Variants in PTRH2 observed in about 807,000 individuals in gnomAD.
The protein encoded by PTRH2 is peptidyl-tRNA hydrolase 2, mitochondrial.
PTRH2 carries 10 observed loss-of-function variants against 12.3 expected under a neutral mutation model. That is an observed-to-expected ratio of 0.81 (90% CI 0.50 to 1.38). The LOEUF (loss-of-function observed/expected upper bound fraction) is 1.38, where lower values mean the gene tolerates loss of function less well. Ranked by LOEUF, PTRH2 falls within the 40% of genes most tolerant of loss-of-function variation. The pLI is 0.00. For synonymous variants in PTRH2, 73 were observed against 77.4 expected, an observed-to-expected ratio of 0.94 and a Z score of 0.30; for missense variants, 176 against 214.1, an observed-to-expected ratio of 0.82 and a Z score of 1.11.
rs762237547 is a variant in PTRH2, at chr17:59,697,981, TAAAGG to T, written c.1-8_1-4del. On this transcript the variant is annotated splice_region_variant and splice_polypyrimidine_tract_variant and intron_variant, in intron 1 of 1. Coordinates refer to ENST00000393038, the MANE Select transcript of PTRH2 (RefSeq NM_016077.5). ...ATAACCAAGGATTTGGAGGGCATCTTAAAGGAAAGGAAAACAGTTATCACTATCCG... is the reference window on the plus strand; with the variant it reads ...ATAACCAAGGATTTGGAGGGCATCTTAAAGGAAAACAGTTATCACTATCCG... 1.9e-6 allele frequency: 3 copies of T among 1,609,064 alleles called. No individual in the cohort carries two copies. The highest frequency in any genetic ancestry group is 1.7e-6 in the Non-Finnish European group (2 of 1,178,692).
chr17:59,704,397 G>GA lies in PTRH2; in HGVS notation c.-1+2973dup, dbSNP rs200001309. 3.9e-3 allele frequency among the ~76,000 whole-genome samples: 586 copies of GA among 151,530 alleles called. 2 individuals carry two copies. Among genetic ancestry groups the GA allele is most frequent in the Non-Finnish European group, 6.8e-3 (464 of 67,802 alleles). The stretch of plus-strand genomic sequence containing the variant: ...ACATCTCAGAGATATCTAGAAAGAA[G>GA]AAAAAAAAGGATATATCAGCTTAAA... On this transcript the variant is annotated intron_variant, in intron 1 of 1. Transcript: ENST00000393038.
At chr17:59,698,081 GAA>G in intron 1 of PTRH2, 103 bp from the exon 2 acceptor site, 1 of 1,227,866 alleles carries the variant, frequency 8.1e-7, no homozygotes, top group South Asian at 1.5e-5. Context: ...TGGTCATCCA[GAA>G]AAAAGGCAAA....
chr17:59,698,972 TTC>T (rs751979264), intron 1 of PTRH2: 42 of 696,818 alleles, frequency 6.0e-5, no homozygotes, highest in Middle Eastern at 2.3e-4. Flanking sequence ...GGTCCTCAAT[TTC>T]TCTCTCTTCT....
chr17:59,700,437 T>C (rs548583465), intron 1 of PTRH2: 3 of 152,318 alleles, frequency 2.0e-5, no homozygotes, highest in African/African-American at 7.2e-5. Flanking sequence ...TGTAAAGTGG[T>C]GCCCTTGGAA....
At chr17:59,702,491 C>T (rs1315391959) in intron 1 of PTRH2, among the ~76,000 whole-genome samples, 1 of 152,176 alleles carries the variant, frequency 6.6e-6, no homozygotes, top group African/African-American at 2.4e-5. Flanking sequence ...TAAAACTTCA[C>T]TCAGTTGCCC....
intron 1 of PTRH2, chr17:59,700,373 T>C (rs1044405961): frequency 9.9e-5 from 15 of 152,238 alleles, no homozygotes; most frequent in African/African-American, 2.9e-4. Context: ...TGGAGTATTA[T>C]CTAAGCATTT....
In PTRH2 at chr17:59,697,436, C is replaced by CA; in HGVS notation, c.*2dup. 1 of 1,599,626 alleles carries CA rather than the reference C, an allele frequency of 6.3e-7. No individual in the cohort carries two copies. The highest frequency in any genetic ancestry group is 8.6e-7 in the Non-Finnish European group (1 of 1,169,556). ...GAGGGGTTGTTGTCATATCAAAGTC[C>CA]ACCTAGTAAAGTTTTAGGTGACCAG... is the stretch of plus-strand genomic sequence containing the variant. On this transcript the variant is annotated 3_prime_UTR_variant, in exon 2 of 2. Coordinates refer to ENST00000393038, the MANE Select transcript of PTRH2 (RefSeq NM_016077.5).
At chr17:59,701,961 C>T (rs1348527274) in intron 1 of PTRH2, among the ~76,000 whole-genome samples, 1 of 151,744 alleles carries the variant, frequency 6.6e-6, no homozygotes, top group African/African-American at 2.4e-5. Flanking sequence ...ACCTCGGCCT[C>T]CCAAAGTGCT....
chr17:59,705,645 T>C lies in PTRH2; in HGVS notation c.-1+1726A>G, dbSNP rs577167740. Among the ~76,000 whole-genome samples, 10 of 152,248 alleles carry C rather than the reference T, an allele frequency of 6.6e-5. No homozygotes were observed. The South Asian group carries it at 2.1e-3, about 32-fold the overall frequency. ...GGTCTTGCTATGTTGCCCAGGCTGG[T>C]CTGGAACTCCTGGCCTCAAGGAGTT... On this transcript the variant is annotated intron_variant, in intron 1 of 1. Transcript: ENST00000393038.
chr17:59,699,429 A>C (rs1458223989), intron 1 of PTRH2: 1 of 154,218 alleles, frequency 6.5e-6, no homozygotes, highest in Non-Finnish European at 1.4e-5. Flanking sequence ...CTCACCAGTG[A>C]TCTTTACATT....
intron 1 of PTRH2, among the ~76,000 whole-genome samples, chr17:59,706,671 CTTTCT>C (rs1192161429): frequency 3.8e-3 from 265 of 70,138 alleles, no homozygotes; most frequent in African/African-American, 0.018. Context: ...GAAATTTTTT[CTTTCT>C]TTTTTTTTTT....
At chr17:59,706,111 G>A (rs2033649060) in intron 1 of PTRH2, among the ~76,000 whole-genome samples, 1 of 152,150 alleles carries the variant, frequency 6.6e-6, no homozygotes, top group Admixed American at 6.6e-5. Flanking sequence ...AAAACAACAT[G>A]TCTGTCTCTT....
chr17:59,699,310 T>C (rs113131248), intron 1 of PTRH2: 42 of 167,158 alleles, frequency 2.5e-4, no homozygotes, highest in African/African-American at 1.0e-3. Context: ...CCTTTACCTC[T>C]TTCTTCCTCC....
At chr17:59,698,936 A>G in intron 1 of PTRH2, 1 of 713,238 alleles carries the variant, frequency 1.4e-6, no homozygotes, top group Non-Finnish European at 2.6e-6. Flanking sequence ...AATAGAATTA[A>G]TTGCTGGATG....
At chr17:59,704,545 G>A (rs1466675430) in intron 1 of PTRH2, among the ~76,000 whole-genome samples, 1 of 152,126 alleles carries the variant, frequency 6.6e-6, no homozygotes, top group Non-Finnish European at 1.5e-5. Context: ...GAGGCCACTT[G>A]GACAAATATG....
chr17:59,698,945 T>C (rs2033504531), intron 1 of PTRH2: 1 of 711,688 alleles, frequency 1.4e-6, no homozygotes, highest in South Asian at 1.5e-5. Context: ...AATTGCTGGA[T>C]GATGGGGATG....
chr17:59,697,592 T>C lies in PTRH2; in HGVS notation c.387A>G (p.Leu129=). ...GTCCCAGCATTTTTGCATGGGCCAA[T>C]AATGCAATCAGGGTTTCTTCATCAG... The part of the protein sequence containing the change: ...KAPDEETLIA[L]LAHAKMLGLT... Residue 129 remains leucine (L), a synonymous_variant, in exon 2 of 2, where the codon TTA becomes TTG. Coordinates refer to ENST00000393038, the MANE Select transcript of PTRH2 (RefSeq NM_016077.5). 7 of 1,614,192 alleles carry C rather than the reference T, an allele frequency of 4.3e-6. No individual in the cohort carries two copies. Among genetic ancestry groups the C allele is most frequent in the Non-Finnish European group, 5.9e-6 (7 of 1,180,032 alleles).
chr17:59,700,688 T>G (rs1014021861), intron 1 of PTRH2: 71 of 152,032 alleles, frequency 4.7e-4, no homozygotes, highest in Admixed American at 1.6e-3. Flanking sequence ...TTTTTTCTCC[T>G]AAGAAGAAAG....
Position 59,697,918 on chromosome 17 carries a change from C to T in PTRH2, c.61G>A (p.Val21Ile), listed in dbSNP as rs76310651. 5.0e-3 allele frequency: 8,011 copies of T among 1,614,152 alleles called. 19 individuals carry two copies. Among genetic ancestry groups the T allele is most frequent in the Middle Eastern group, 0.016 (97 of 6,062 alleles). Residue 21 changes from valine (V) to isoleucine (I), a missense_variant, in exon 2 of 2, where the codon GTT becomes ATT. Physicochemically the swap from Val to Ile is conservative, Grantham distance 29. Transcript: ENST00000393038. ...LAHPSTLGLA[V>I]GVACGMCLGW... is the part of the protein sequence containing the mutation. Reference sequence around the variant, plus strand: ...AGGCACATGCCACAAGCAACTCCAACAGCCAAGCCGAGTGTACTGGGATGA... The same window carrying T: ...AGGCACATGCCACAAGCAACTCCAATAGCCAAGCCGAGTGTACTGGGATGA...
Sources: allele counts gnomAD v4.1 joint callset (sites outside exome capture counted in the v4.1 genomes callset), GRCh38; gene constraint gnomAD v4.1.1; transcripts MANE v1.5; gene names NCBI Gene and HGNC (gene_info 2026-07-23, HGNC 2026-07-21).